The following CHD2 variants were observed in gnomAD, a reference collection of about 807,000 sequenced individuals.
CHD2 encodes the protein ATP-dependent chromatin remodeler CHD2.
Under a neutral mutation model 243.9 loss-of-function variants are expected in CHD2, and 28 were observed. That is an observed-to-expected ratio of 0.11 (90% confidence interval 0.09 to 0.16). The LOEUF (loss-of-function observed/expected upper bound fraction) is 0.16. Ranked by LOEUF, CHD2 falls within the 10% of genes least tolerant of loss-of-function variation. The pLI, the probability that CHD2 is intolerant of heterozygous loss-of-function variation, is 1.00. For synonymous variants in CHD2, 775 were observed against 779.0 expected (o/e 0.99, Z 0.09); for missense variants, 1,386 against 2,209.8 (o/e 0.63, Z 7.47).
chr15:92,920,257 A>G (rs1404536441), intron 2 of CHD2, among the ~76,000 whole-genome samples: 1 of 152,252 alleles, frequency 6.6e-6, no homozygotes, highest in Non-Finnish European at 1.5e-5. Flanking sequence ...GTAGAAAGAA[A>G]GATATTTATG....
intron 32 of CHD2, among the ~76,000 whole-genome samples, 185 bp downstream of exon 32, chr15:93,000,825 A>G (rs1223834416): frequency 6.6e-6 from 1 of 152,174 alleles, no homozygotes. Flanking sequence ...ATTTGTACAT[A>G]ATGGAAGTAA....
At chr15:92,999,786 C>T (rs1177320253) in intron 31 of CHD2, among the ~76,000 whole-genome samples, 1 of 152,080 alleles carries the variant, frequency 6.6e-6, no homozygotes, top group Non-Finnish European at 1.5e-5. Context: ...GGCAGATAAA[C>T]AGTATTTTAA....
Position 92,941,954 on chromosome 15 carries a change from A to T in CHD2, c.825A>T (p.Gly275=), listed in dbSNP as rs372257500. ...KVLDSRLGKK[G]ATGASTTVYA... is the part of the protein sequence containing the mutation. ...TAGATTCAAGACTGGGAAAGAAAGG[A>T]GGTATGTGTATTTGGGGAGCAAATT... The change falls in exon 8 of 39, where the codon GGA becomes GGT. Residue 275 remains glycine (G), a splice_region_variant and synonymous_variant. Transcript: ENST00000394196. The T allele has an allele frequency of 4.2e-5, 67 of 1,611,358 alleles. No homozygotes were observed. The highest frequency in any genetic ancestry group is 5.5e-5 in the Non-Finnish European group (65 of 1,179,062).
intron 5 of CHD2, 80 bp from the exon 6 acceptor site, chr15:92,937,438 A>T: frequency 9.8e-7 from 1 of 1,023,086 alleles, no homozygotes; most frequent in Non-Finnish European, 1.4e-6. Context: ...GGATAGTAAA[A>T]TTGAAATTGG....
In CHD2 at chr15:93,020,251, T is replaced by C; in HGVS notation, c.5146T>C (p.Tyr1716His). 1 of 1,614,156 alleles carries C rather than the reference T, an allele frequency of 6.2e-7. No individual in the cohort carries two copies. The highest frequency in any genetic ancestry group is 8.5e-7 in the Non-Finnish European group (1 of 1,180,022). The change falls in exon 38 of 39, where the codon TAT becomes CAT. Residue 1716 changes from tyrosine to histidine, a missense_variant. Physicochemically the swap from Tyr to His is moderately conservative, Grantham distance 83. Transcript: ENST00000394196. ...AGACCACCGGGGACACAGAGATTAT[T>C]ATGACAGGTATGCAAAAGGCTGTGA... is the stretch of plus-strand genomic sequence containing the variant. ...DRDHRGHRDY[Y>H]DRHHHDSKRR... is the part of the protein sequence containing the mutation.
At chr15:93,014,333 T>C (rs548013114) in intron 36 of CHD2, among the ~76,000 whole-genome samples, 10 of 152,294 alleles carry the variant, frequency 6.6e-5, no homozygotes, top group South Asian at 6.2e-4. Context: ...GAGGGTTGTT[T>C]GTTGTGGTTA....
At chr15:92,988,365 G>A (rs184343392) in intron 26 of CHD2, among the ~76,000 whole-genome samples, 2 of 152,294 alleles carry the variant, frequency 1.3e-5, no homozygotes, top group Admixed American at 1.3e-4. Context: ...GATTAGAAGC[G>A]TGAGCCACCC....
chr15:93,019,216 T>A (rs2054499965), intron 37 of CHD2, among the ~76,000 whole-genome samples: 1 of 152,154 alleles, frequency 6.6e-6, no homozygotes, highest in African/African-American at 2.4e-5. Flanking sequence ...CTGGAGAGAT[T>A]TTCAGAGACC....
chr15:92,944,749 A>G, intron 10 of CHD2: 1 of 246,296 alleles, frequency 4.1e-6, no homozygotes, highest in East Asian at 7.4e-5. Context: ...GTTTAGAGGT[A>G]CCATTTACCG....
chr15:93,014,595 A>C (rs953054531), intron 36 of CHD2, 101 bp from the exon 37 acceptor site: 25 of 1,024,810 alleles, frequency 2.4e-5, no homozygotes, highest in Non-Finnish European at 3.5e-5. Flanking sequence ...CAGAAGTTTA[A>C]GAAGGACAAG....
chr15:92,945,716 A>G, intron 10 of CHD2, 105 bp from the exon 11 acceptor site: 1 of 625,764 alleles, frequency 1.6e-6, no homozygotes, highest in Non-Finnish European at 2.6e-6. Context: ...TTTCTTTTTT[A>G]AGGTGTGAGG....
At chr15:92,991,421 C>A in intron 26 of CHD2, 55 bp from the exon 27 acceptor site, 1 of 1,347,374 alleles carries the variant, frequency 7.4e-7, no homozygotes, top group Non-Finnish European at 1.0e-6. Flanking sequence ...CTAGCATCAA[C>A]ATAACTAAAG....
chr15:92,980,075 C>T (rs1375574439), intron 22 of CHD2, among the ~76,000 whole-genome samples: 2 of 142,418 alleles, frequency 1.4e-5, no homozygotes, highest in Non-Finnish European at 3.1e-5. Flanking sequence ...GATGGAGTCT[C>T]GCTCGGTCGC....
chr15:92,902,269 TGAA>T (rs1168253016), intron 2 of CHD2: 1 of 397,640 alleles, frequency 2.5e-6, no homozygotes, highest in Non-Finnish European at 4.4e-6. Flanking sequence ...TTGTTAGTGA[TGAA>T]GTAATAAAGC....
At chr15:92,979,396 C>T (rs2053948676) in intron 22 of CHD2, 113 bp downstream of exon 22, 4 of 1,305,322 alleles carry the variant, frequency 3.1e-6, no homozygotes, top group Admixed American at 5.0e-5. Flanking sequence ...CTGGAAGATG[C>T]CAGGCCAGAA....
At chr15:93,001,093 C>G (rs2054249671) in intron 32 of CHD2, among the ~76,000 whole-genome samples, 1 of 152,192 alleles carries the variant, frequency 6.6e-6, no homozygotes, top group African/African-American at 2.4e-5. Context: ...GGTCTCAAAA[C>G]TCCTGACCTC....
intron 26 of CHD2, among the ~76,000 whole-genome samples, chr15:92,986,586 C>T (rs1900025828): frequency 6.6e-6 from 1 of 152,172 alleles, no homozygotes; most frequent in African/African-American, 2.4e-5. Flanking sequence ...TATATATACA[C>T]ACCCCACCTC....
intron 34 of CHD2, among the ~76,000 whole-genome samples, chr15:93,006,607 A>C (rs940139610): frequency 1.3e-5 from 2 of 152,168 alleles, no homozygotes; most frequent in Admixed American, 1.3e-4. Flanking sequence ...GAGGTACGTT[A>C]GTGTTTCCAT....
chr15:92,940,982 AAT>A (rs1222659748), intron 7 of CHD2, among the ~76,000 whole-genome samples: 1 of 125,810 alleles, frequency 7.9e-6, no homozygotes, highest in Non-Finnish European at 1.6e-5. Flanking sequence ...TATAAATATA[AAT>A]ATATATATAA....
Sources: allele counts gnomAD v4.1 joint callset (sites outside exome capture counted in the v4.1 genomes callset), GRCh38; gene constraint gnomAD v4.1.1; transcripts MANE v1.5; gene names NCBI Gene and HGNC (gene_info 2026-07-23, HGNC 2026-07-21).